Variants in ARRDC5 observed in about 807,000 individuals in gnomAD.
ARRDC5 encodes arrestin domain containing 5.
In ARRDC5, 12 loss-of-function variants were observed where a neutral mutation model predicts 13.3. The observed-to-expected ratio is 0.90, with a 90% CI of 0.58 to 1.46. The LOEUF (loss-of-function observed/expected upper bound fraction) is 1.46. Among genes scored for constraint, ARRDC5 ranks in the 40% most tolerant of loss-of-function variants. The probability of loss-of-function intolerance (pLI) is 0.00; values close to 1 mark genes in which losing one functional copy is unlikely to be tolerated. For synonymous variants in ARRDC5, 181 were observed against 173.4 expected (o/e 1.04, Z -0.34); for missense variants, 406 against 418.7 (o/e 0.97, Z 0.26).
At chr19:4,913,740 T>C in the ARRDC5 span, among the ~76,000 whole-genome samples, 1 of 151,898 alleles carries the variant, frequency 6.6e-6, no homozygotes, top group Non-Finnish European at 1.5e-5. Context: ...AAAGATTCAG[T>C]GTTCCTGTGT....
chr19:4,902,972 G>T, upstream of ARRDC5: 30 of 1,140,066 alleles, frequency 2.6e-5, no homozygotes, highest in Non-Finnish European at 3.8e-5. Flanking sequence ...AGGAGGGGAG[G>T]CAAAACTGTT....
intron 2 of ARRDC5, among the ~76,000 whole-genome samples, chr19:4,896,167 T>C (rs2031701349): frequency 6.6e-6 from 1 of 151,492 alleles, no homozygotes; most frequent in Non-Finnish European, 1.5e-5. Flanking sequence ...ATACAAAAAT[T>C]AGCTGGGCAT....
In ARRDC5 at chr19:4,890,808, AG is replaced by A; in HGVS notation, c.*237del. ...GGCTGGGGCAGACTCAGGGTGGAAA[AG>A]GCAGGTTATGCCGGGTTTGGGTCCT... On this transcript the variant is annotated 3_prime_UTR_variant, in exon 3 of 3. Coordinates refer to ENST00000650722, the MANE Select transcript of ARRDC5 (RefSeq NM_001080523.3). 2.1e-6 allele frequency: 1 copy of A among 485,262 alleles called. No individual in the cohort carries two copies. 30.1% of individuals were successfully genotyped at this position (485,262 alleles called of 1,614,324 possible). A position where few individuals can be genotyped will look rare whatever the true frequency, so the allele number is the denominator to read the frequency against.
Position 4,896,358 on chromosome 19 carries a change from TTTTACACACACACACACACAC to T in ARRDC5, c.459+292_459+312del, listed in dbSNP as rs1379300083. ...TATATATATATATATATTTTTTTTTTTTTACACACACACACACACACACACACACACACACACACACACACA... is the reference window on the plus strand; with the variant it reads ...TATATATATATATATATTTTTTTTTTACACACACACACACACACACACACA... On this transcript the variant is annotated intron_variant, in intron 2 of 2. Transcript: ENST00000650722. 3.3e-4 allele frequency among the ~76,000 whole-genome samples: 28 copies of T among 84,658 alleles called. No individual in the cohort carries two copies. The East Asian group carries it at 6.7e-3, about 20-fold the overall frequency. 55.5% of individuals were successfully genotyped at this position (84,658 alleles called of 152,430 possible).
the ARRDC5 span, among the ~76,000 whole-genome samples, chr19:4,915,706 T>C: frequency 6.6e-6 from 1 of 151,244 alleles, no homozygotes; most frequent in African/African-American, 2.4e-5. Flanking sequence ...CAAGACTCCG[T>C]CTCAAAAAAA....
chr19:4,893,726 CAAAAAAAAAAAAA>C (rs61307077), intron 2 of ARRDC5, among the ~76,000 whole-genome samples: 8 of 56,922 alleles, frequency 1.4e-4, no homozygotes, highest in Admixed American at 5.1e-4. Flanking sequence ...ACCCTGTCTC[CAAAAAAAAAAAAA>C]AAAAAAAAAA....
intron 2 of ARRDC5, among the ~76,000 whole-genome samples, chr19:4,894,580 A>C (rs2031643133): frequency 7.0e-6 from 1 of 142,850 alleles, no homozygotes; most frequent in African/African-American, 2.6e-5. Context: ...GCTACTCGGG[A>C]GGCTGAGGCA....
At chr19:4,916,595 C>T in the ARRDC5 span, among the ~76,000 whole-genome samples, 3 of 152,140 alleles carry the variant, frequency 2.0e-5, no homozygotes, top group Non-Finnish European at 4.4e-5. Flanking sequence ...GTCACTAGCC[C>T]TCCACCCGTC....
chr19:4,896,346 ATATTTTTTTTTT>A (rs1328673213), intron 2 of ARRDC5, among the ~76,000 whole-genome samples: 2 of 72,128 alleles, frequency 2.8e-5, no homozygotes, highest in African/African-American at 8.2e-5. Context: ...ATATATATAT[ATATTTTTTTTTT>A]TTTACACACA....
upstream of ARRDC5, among the ~76,000 whole-genome samples, chr19:4,906,901 GC>G (rs1460461832): frequency 2.0e-5 from 3 of 152,258 alleles, no homozygotes; most frequent in African/African-American, 7.2e-5. Flanking sequence ...AAGAGCTCAA[GC>G]CGTCTCACAC....
In ARRDC5 at chr19:4,896,360, TTACAC is replaced by T. The variant is rs199884965; in HGVS notation, c.459+306_459+310del. Reference sequence around the variant, plus strand: ...TATATATATATATATTTTTTTTTTTTTACACACACACACACACACACACACACACA... The same window carrying T: ...TATATATATATATATTTTTTTTTTTTACACACACACACACACACACACACA... On this transcript the variant is annotated intron_variant, in intron 2 of 2. Transcript: ENST00000650722. 4.3e-3 allele frequency among the ~76,000 whole-genome samples: 302 copies of T among 70,240 alleles called. 2 individuals carry two copies. Among genetic ancestry groups the T allele is most frequent in the African/African-American group, 0.016 (234 of 14,556 alleles). 46.1% of individuals were successfully genotyped at this position (70,240 alleles called of 152,430 possible). A position where few individuals can be genotyped will look rare whatever the true frequency, so the allele number is the denominator to read the frequency against.
At chr19:4,910,586 G>T in the ARRDC5 span, 1 of 320,622 alleles carries the variant, frequency 3.1e-6, no homozygotes, top group East Asian at 4.8e-5. Context: ...TTCTCCTCTG[G>T]TCGTGGGGAA....
intron 1 of ARRDC5, among the ~76,000 whole-genome samples, chr19:4,901,978 A>G (rs983489390): frequency 1.3e-5 from 2 of 151,986 alleles, no homozygotes; most frequent in East Asian, 1.9e-4. Flanking sequence ...CCTCCCCTTC[A>G]CGAGTTCAAG....
chr19:4,916,646 G>A, the ARRDC5 span, among the ~76,000 whole-genome samples: 7 of 151,814 alleles, frequency 4.6e-5, no homozygotes, highest in Admixed American at 2.0e-4. Context: ...CCACGCCACC[G>A]CCGCCCCCTC....
chr19:4,904,367 G>C (rs2032019178), upstream of ARRDC5, among the ~76,000 whole-genome samples: 1 of 152,168 alleles, frequency 6.6e-6, no homozygotes, highest in Non-Finnish European at 1.5e-5. Flanking sequence ...TTTTAGTAGA[G>C]ACGGGGTTTC....
At position 4,896,934 on chromosome 19, in the gene ARRDC5, TTC is replaced by T. The variant is rs1039881015; in HGVS notation, c.254-60_254-59del. The T allele has an allele frequency of 2.7e-4, 334 of 1,238,500 alleles. 1 individual carries two copies. The highest frequency in any genetic ancestry group is 3.6e-4 in the Non-Finnish European group (316 of 872,610). 76.7% of individuals were successfully genotyped at this position (1,238,500 alleles called of 1,614,324 possible). On this transcript the variant is annotated intron_variant, in intron 1 of 2. Transcript: ENST00000650722. ...GTTCTAGAATCTTTTTTCCTTCTTCTTCTTTTTTTTTTTGCTTTATTTTTATA... is the reference window on the plus strand; with the variant it reads ...GTTCTAGAATCTTTTTTCCTTCTTCTTTTTTTTTTTTGCTTTATTTTTATA...
chr19:4,892,749 T>G (rs1191299915), intron 2 of ARRDC5, among the ~76,000 whole-genome samples: 1 of 152,118 alleles, frequency 6.6e-6, no homozygotes, highest in Non-Finnish European at 1.5e-5. Context: ...TTCTTTTATC[T>G]TAATATAAAA....
the ARRDC5 span, chr19:4,910,747 C>A: frequency 8.5e-7 from 1 of 1,173,452 alleles, no homozygotes; most frequent in Non-Finnish European, 1.2e-6. Flanking sequence ...TACAGGAGGA[C>A]TGGAAGGGCA....
chr19:4,911,600 C>T, the ARRDC5 span, among the ~76,000 whole-genome samples: 17 of 152,294 alleles, frequency 1.1e-4, no homozygotes, highest in South Asian at 1.4e-3. Flanking sequence ...TGACCTGGGG[C>T]GTGTGGTCCC....
Sources: gnomAD v4.1 joint callset for allele counts (sites outside exome capture counted in the v4.1 genomes callset) on GRCh38, gnomAD v4.1.1 for gene constraint, MANE v1.5 for transcripts, NCBI Gene and HGNC (gene_info 2026-07-23, HGNC 2026-07-21) for gene names.